EBF3: variants seen among roughly 807,000 people sequenced by gnomAD.
EBF3 encodes the protein transcription factor COE3.
A neutral mutation model predicts 77.1 loss-of-function variants in EBF3; 18 were observed. The observed-to-expected ratio is 0.23, with a 90% confidence interval of 0.16 to 0.35. The LOEUF (loss-of-function observed/expected upper bound fraction) is 0.35. Among genes scored for constraint, EBF3 ranks in the 10% least tolerant of loss-of-function variants. The pLI, the probability that EBF3 is intolerant of heterozygous loss-of-function variation, is 1.00. For missense variants in EBF3, 558 were observed against 860.0 expected, an observed-to-expected ratio of 0.65 and a Z score of 4.39; for synonymous variants, 350 against 343.5, an observed-to-expected ratio of 1.02 and a Z score of -0.21.
chr10:129,898,712 G>A (rs1489973924), intron 6 of EBF3, among the ~76,000 whole-genome samples: 1 of 152,218 alleles, frequency 6.6e-6, no homozygotes, highest in African/African-American at 2.4e-5. Context: ...TTTACTTGCT[G>A]AGGTATTTGC....
chr10:129,946,322 T>A (rs1203014734), intron 6 of EBF3, among the ~76,000 whole-genome samples: 1 of 152,100 alleles, frequency 6.6e-6, no homozygotes, highest in Non-Finnish European at 1.5e-5. Flanking sequence ...TGGGAACAAA[T>A]GTGTTTGGGG....
At chr10:129,941,569 G>C (rs1857738958) in intron 6 of EBF3, among the ~76,000 whole-genome samples, 1 of 152,086 alleles carries the variant, frequency 6.6e-6, no homozygotes, top group Non-Finnish European at 1.5e-5. Flanking sequence ...CAGGCCAAAG[G>C]GTCAGGGGGG....
At chr10:129,950,078 C>G (rs1356036053) in intron 6 of EBF3, among the ~76,000 whole-genome samples, 1 of 151,368 alleles carries the variant, frequency 6.6e-6, no homozygotes, top group Non-Finnish European at 1.5e-5. Context: ...AGCTGCCTGT[C>G]TGGGCAAATG....
rs11814604 is a variant in EBF3 at position 129,889,531 on chromosome 10, C to A, written c.555-11682G>T. On this transcript the variant is annotated intron_variant, in intron 6 of 16. Transcript: ENST00000440978. The stretch of plus-strand genomic sequence containing the variant: ...CCATCATCCACCTGCTCCCCAAACT[C>A]TGCAGCCTCCCTGCACCCCCCACCC... 2.1e-3 allele frequency among the ~76,000 whole-genome samples: 315 copies of A among 152,332 alleles called. 2 individuals are homozygous for A. Among genetic ancestry groups the A allele is most frequent in the African/African-American group, 7.0e-3 (290 of 41,582 alleles).
At chr10:129,918,395 T>G (rs1430524160) in intron 6 of EBF3, among the ~76,000 whole-genome samples, 2 of 152,212 alleles carry the variant, frequency 1.3e-5, no homozygotes, top group African/African-American at 4.8e-5. Flanking sequence ...GCCTCATGTT[T>G]AATGTAACTT....
chr10:129,922,419 C>A (rs977799374), intron 6 of EBF3, among the ~76,000 whole-genome samples: 5 of 152,242 alleles, frequency 3.3e-5, no homozygotes, highest in Non-Finnish European at 5.9e-5. Flanking sequence ...CCGTGCCCCC[C>A]GGCCCTCAGC....
intron 8 of EBF3, among the ~76,000 whole-genome samples, chr10:129,872,875 T>A: frequency 6.6e-6 from 1 of 152,148 alleles, no homozygotes; most frequent in African/African-American, 2.4e-5. Context: ...ACCACCCTTA[T>A]GGAAACCCTT....
In EBF3 at chr10:129,963,080, C is replaced by A. The variant is rs1859651531; in HGVS notation, c.292-75G>T. On this transcript the variant is annotated intron_variant, in intron 2 of 16. Coordinates refer to ENST00000440978, the MANE Select transcript of EBF3 (RefSeq NM_001375380.1). This position sits in a 1 kb window ranked among gnomAD's most constrained non-coding sequence, Gnocchi z 7.1. ...GGCCACCACGCTCGGTCCCCCTCCGCGACCGAGGCTCTCGGCCTCACACAT... is the reference window on the plus strand; with the variant it reads ...GGCCACCACGCTCGGTCCCCCTCCGAGACCGAGGCTCTCGGCCTCACACAT... 1.3e-6 allele frequency: 2 copies of A among 1,550,914 alleles called. No homozygotes were observed. The highest frequency in any genetic ancestry group is 1.7e-5 in the Admixed American group (1 of 59,870).
rs1041512255 is a variant in EBF3 at position 129,944,777 on chromosome 10, G to A, written c.554+12481C>T. Among the ~76,000 whole-genome samples the A allele has an allele frequency of 6.6e-6, 1 of 151,750 alleles. No homozygotes were observed. Among genetic ancestry groups the A allele is most frequent in the African/African-American group, 2.4e-5 (1 of 41,288 alleles). ...TTCTTCTGCAATTCACATTTTACCTGGTGAAATATCATAAGAATTTCATTA... is the reference window on the plus strand; with the variant it reads ...TTCTTCTGCAATTCACATTTTACCTAGTGAAATATCATAAGAATTTCATTA... On this transcript the variant is annotated intron_variant, in intron 6 of 16. Transcript: ENST00000440978. This position sits in a 1 kb window ranked among gnomAD's most constrained non-coding sequence, Gnocchi z 5.1.
intron 6 of EBF3, among the ~76,000 whole-genome samples, chr10:129,948,268 A>G (rs1259982582): frequency 7.0e-6 from 1 of 143,358 alleles, no homozygotes; most frequent in African/African-American, 2.5e-5. Context: ...TCAAAAAAAA[A>G]AAAAAAAAAA....
chr10:129,879,006 T>C lies in EBF3; in HGVS notation c.555-1157A>G, dbSNP rs1397200699. On this transcript the variant is annotated intron_variant, in intron 6 of 16. Coordinates refer to ENST00000440978, the MANE Select transcript of EBF3 (RefSeq NM_001375380.1). The surrounding 1 kb of genome is among the most constrained non-coding windows in gnomAD (Gnocchi z 4.7). ...CATTTCCCGCCATGCCTTGCCCTTA[T>C]GTTTCATGGCATGAAGATTCAGGGG... Among the ~76,000 whole-genome samples the C allele has an allele frequency of 6.6e-6, 1 of 152,130 alleles. No homozygotes were observed. The highest frequency in any genetic ancestry group is 1.9e-4 in the East Asian group (1 of 5,194).
At chr10:129,847,178 G>A (rs1254747857) in intron 11 of EBF3, among the ~76,000 whole-genome samples, 1 of 152,116 alleles carries the variant, frequency 6.6e-6, no homozygotes, top group Non-Finnish European at 1.5e-5. Context: ...AGCTGCTGGG[G>A]TGTCTTCCCT....
At chr10:129,909,963 ACCT>A (rs1855407480) in intron 6 of EBF3, among the ~76,000 whole-genome samples, 2 of 152,204 alleles carry the variant, frequency 1.3e-5, no homozygotes, top group African/African-American at 4.8e-5. Context: ...GGGAGCGTTT[ACCT>A]CCTCACTGTC....
intron 6 of EBF3, among the ~76,000 whole-genome samples, chr10:129,881,797 T>G (rs1853232909): frequency 6.6e-6 from 1 of 152,148 alleles, no homozygotes; most frequent in Non-Finnish European, 1.5e-5. Flanking sequence ...TGGGTGCCAC[T>G]CCGGATATCT....
At chr10:129,919,614 G>C (rs576406555) in intron 6 of EBF3, among the ~76,000 whole-genome samples, 1 of 152,262 alleles carries the variant, frequency 6.6e-6, no homozygotes, top group Admixed American at 6.5e-5. Flanking sequence ...AGCCTGACTG[G>C]GGAAGTCCTC....
chr10:129,855,893 A>C (rs1851220373), intron 10 of EBF3, among the ~76,000 whole-genome samples: 1 of 152,222 alleles, frequency 6.6e-6, no homozygotes, highest in Non-Finnish European at 1.5e-5. Context: ...GGATTTGCAC[A>C]CTTTAAACCA....
intron 6 of EBF3, among the ~76,000 whole-genome samples, chr10:129,890,821 AT>A (rs1168925990): frequency 3.9e-5 from 6 of 152,268 alleles, no homozygotes; most frequent in Admixed American, 2.0e-4. Flanking sequence ...GACACCCTCT[AT>A]TGGCCTCTGA....
chr10:129,884,440 C>A (rs571313227), intron 6 of EBF3, among the ~76,000 whole-genome samples: 1 of 152,176 alleles, frequency 6.6e-6, no homozygotes, highest in African/African-American at 2.4e-5. Flanking sequence ...ACTGGGCTCA[C>A]GTTCTTTAAT....
Position 129,842,290 on chromosome 10 carries a change from TCTC to T in EBF3, c.1195_1197del (p.Glu399del). On this transcript the variant is annotated inframe_deletion and splice_region_variant, in exon 13 of 17. Transcript: ENST00000440978. The surrounding 1 kb of genome is among the most constrained non-coding windows in gnomAD (Gnocchi z 4.4). The stretch of plus-strand genomic sequence containing the variant: ...ATGTCCGCCGCTCGCTTCAAGATGA[TCTC>T]CTGCAGCAGGAGCAAGTGGGAGCCG... The T allele has an allele frequency of 1.3e-6, 2 of 1,582,072 alleles. No homozygotes were observed. Among genetic ancestry groups the T allele is most frequent in the Non-Finnish European group, 1.7e-6 (2 of 1,162,108 alleles).
Sources: gnomAD v4.1 joint callset for allele counts (sites outside exome capture counted in the v4.1 genomes callset) on GRCh38, gnomAD v4.1.1 for gene constraint, Gnocchi (gnomAD v3.1) non-coding constraint, MANE v1.5 for transcripts, NCBI Gene and HGNC (gene_info 2026-07-23, HGNC 2026-07-21) for gene names.